The following DNAJC13 variants were observed in gnomAD, a reference collection of about 807,000 sequenced individuals.
The protein encoded by DNAJC13 is DnaJ heat shock protein family (Hsp40) member C13.
DNAJC13 carries 75 observed loss-of-function variants against 290.5 expected under a neutral mutation model. The observed-to-expected ratio is 0.26, with a 90% CI of 0.21 to 0.31. The LOEUF (loss-of-function observed/expected upper bound fraction) is 0.31, where lower values mean the gene tolerates loss of function less well. DNAJC13 is among the 10% of genes least tolerant of loss of function. The pLI is 1.00. For missense variants in DNAJC13, 2,260 were observed against 2,674.5 expected, an observed-to-expected ratio of 0.85 and a Z score of 3.42; for synonymous variants, 862 against 892.0, an observed-to-expected ratio of 0.97 and a Z score of 0.60.
chr3:132,503,133 A>G lies in DNAJC13; in HGVS notation c.4717-81A>G. 6.3e-6 allele frequency: 9 copies of G among 1,434,164 alleles called. No individual in the cohort carries two copies. The Admixed American group carries it at 1.2e-4, about 19-fold the overall frequency. 88.8% of individuals were successfully genotyped at this position (1,434,164 alleles called of 1,614,324 possible). ...TTTTTACTCCTTAAATATGTTCCAT[A>G]TAGTGTGATTCTGTAAAATTATAGT... On this transcript the variant is annotated intron_variant, in intron 40 of 55. Transcript: ENST00000260818.
intron 17 of DNAJC13, among the ~76,000 whole-genome samples, chr3:132,464,264 T>C (rs969544515): frequency 6.6e-6 from 1 of 152,244 alleles, no homozygotes; most frequent in African/African-American, 2.4e-5. Flanking sequence ...CAGCCTAAGC[T>C]AGACTTAACC....
At chr3:132,443,648 A>G (rs1933146570) in intron 2 of DNAJC13, among the ~76,000 whole-genome samples, 1 of 152,198 alleles carries the variant, frequency 6.6e-6, no homozygotes, top group South Asian at 2.1e-4. Context: ...CTTAAATGAC[A>G]TAGAAATATT....
intron 50 of DNAJC13, 79 bp downstream of exon 50, chr3:132,523,278 G>T: frequency 6.8e-7 from 1 of 1,474,190 alleles, no homozygotes; most frequent in South Asian, 1.2e-5. Flanking sequence ...GTTTAATGCC[G>T]ACCTATAACT....
chr3:132,431,512 G>A (rs1328542714), intron 1 of DNAJC13, among the ~76,000 whole-genome samples: 1 of 152,018 alleles, frequency 6.6e-6, no homozygotes. Context: ...ATATCCAGGG[G>A]GTGAGCGTTC....
intron 2 of DNAJC13, among the ~76,000 whole-genome samples, chr3:132,442,797 A>G (rs1365744810): frequency 6.6e-6 from 1 of 152,234 alleles, no homozygotes; most frequent in Non-Finnish European, 1.5e-5. Context: ...TAGTGCCTGA[A>G]TAAAAAGAAA....
At chr3:132,481,307 G>T (rs985866722) in intron 26 of DNAJC13, among the ~76,000 whole-genome samples, 1 of 152,156 alleles carries the variant, frequency 6.6e-6, no homozygotes, top group Non-Finnish European at 1.5e-5. Context: ...AAAAGAACAG[G>T]CCAGGCACAG....
rs1037977056 is a variant in DNAJC13, at chr3:132,457,380, T to C, written c.1449+12T>C. On this transcript the variant is annotated intron_variant, in intron 13 of 55. Coordinates refer to ENST00000260818, the MANE Select transcript of DNAJC13 (RefSeq NM_015268.4). ...GTGCCCTTATGTGTGTAAGTAGTAGTTTTCTTAAGGAAACTGGTTTTTCTT... is the reference window on the plus strand; with the variant it reads ...GTGCCCTTATGTGTGTAAGTAGTAGCTTTCTTAAGGAAACTGGTTTTTCTT... 6.2e-6 allele frequency: 10 copies of C among 1,605,060 alleles called. No individual in the cohort carries two copies. Among genetic ancestry groups the C allele is most frequent in the Non-Finnish European group, 7.7e-6 (9 of 1,175,636 alleles).
chr3:132,516,566 C>A, intron 47 of DNAJC13, 70 bp downstream of exon 47: 1 of 1,557,636 alleles, frequency 6.4e-7, no homozygotes, highest in Non-Finnish European at 8.8e-7. Context: ...CTGCATTTTA[C>A]AGCCTGATAA....
intron 53 of DNAJC13, 48 bp from the exon 54 acceptor site, chr3:132,528,141 G>T: frequency 6.2e-7 from 1 of 1,603,324 alleles, no homozygotes; most frequent in South Asian, 1.1e-5. Flanking sequence ...TTCAGTGGAT[G>T]ATTTGCATTT....
intron 15 of DNAJC13, among the ~76,000 whole-genome samples, chr3:132,461,668 A>G (rs1482901647): frequency 1.3e-5 from 2 of 151,928 alleles, no homozygotes; most frequent in Non-Finnish European, 2.9e-5. Context: ...CCCATTTTCT[A>G]TATCTTGCTT....
At chr3:132,482,440 TA>T in intron 27 of DNAJC13, 110 bp downstream of exon 27, 1 of 760,964 alleles carries the variant, frequency 1.3e-6, no homozygotes, top group Non-Finnish European at 2.1e-6. Flanking sequence ...AAATTCCTGT[TA>T]TTAGCTCCAA....
chr3:132,442,592 A>G (rs1204878709), intron 2 of DNAJC13, among the ~76,000 whole-genome samples: 1 of 152,116 alleles, frequency 6.6e-6, no homozygotes, highest in Non-Finnish European at 1.5e-5. Context: ...GGGGAGTAAA[A>G]TGCCCCACAG....
chr3:132,497,663 C>T (rs1935277661), intron 36 of DNAJC13, among the ~76,000 whole-genome samples: 1 of 152,060 alleles, frequency 6.6e-6, no homozygotes, highest in Non-Finnish European at 1.5e-5. Flanking sequence ...TTTCAAAACC[C>T]TTGGTTGTCT....
intron 33 of DNAJC13, 27 bp downstream of exon 33, chr3:132,492,642 C>T (rs1286037858): frequency 1.2e-6 from 2 of 1,602,250 alleles, no homozygotes; most frequent in African/African-American, 2.7e-5. Context: ...ATTTGTGCCA[C>T]CTTAAGCCAT....
In DNAJC13 at chr3:132,467,626, C is replaced by T. The variant is rs575380759; in HGVS notation, c.2208+313C>T. Among the ~76,000 whole-genome samples, 45 of 152,056 alleles carry T rather than the reference C, an allele frequency of 3.0e-4. 1 individual carries two copies. The South Asian group carries it at 5.0e-3, about 17-fold the overall frequency. Reference sequence around the variant, plus strand: ...GACTACAGGCACCCGCCACCACGCCCGGCTAATTTTTTGTATTTTTAGTAG... The same window carrying T: ...GACTACAGGCACCCGCCACCACGCCTGGCTAATTTTTTGTATTTTTAGTAG... On this transcript the variant is annotated intron_variant, in intron 20 of 55. Transcript: ENST00000260818.
At chr3:132,498,954 GATC>G (rs1935323980) in intron 36 of DNAJC13, among the ~76,000 whole-genome samples, 169 bp from the exon 37 acceptor site, 1 of 152,074 alleles carries the variant, frequency 6.6e-6, no homozygotes, top group Non-Finnish European at 1.5e-5. Flanking sequence ...CTGACCTCGT[GATC>G]CACCCACCTT....
chr3:132,488,886 T>A, intron 30 of DNAJC13, 90 bp from the exon 31 acceptor site: 1 of 909,250 alleles, frequency 1.1e-6, no homozygotes, highest in Non-Finnish European at 1.7e-6. Context: ...GAGTTTTATT[T>A]AGCTATAAAA....
At chr3:132,517,689 A>G (rs1352572558) in intron 48 of DNAJC13, among the ~76,000 whole-genome samples, 2 of 152,208 alleles carry the variant, frequency 1.3e-5, no homozygotes, top group Non-Finnish European at 2.9e-5. Context: ...GGAGGAGGCT[A>G]AGATCCCCTA....
Position 132,495,179 on chromosome 3 carries a change from G to T in DNAJC13, c.4020+13G>T. 1 of 1,608,518 alleles carries T rather than the reference G, an allele frequency of 6.2e-7. No homozygotes were observed. ...TCCAGAAGGGAGGGTATGTACTGCTGTTGGAATTCAGGCATTGGGCTTCCT... is the reference window on the plus strand; with the variant it reads ...TCCAGAAGGGAGGGTATGTACTGCTTTTGGAATTCAGGCATTGGGCTTCCT... On this transcript the variant is annotated intron_variant, in intron 35 of 55. Transcript: ENST00000260818.
Sources: gnomAD v4.1 joint callset for allele counts (sites outside exome capture counted in the v4.1 genomes callset) on GRCh38, gnomAD v4.1.1 for gene constraint, MANE v1.5 for transcripts, NCBI Gene and HGNC (gene_info 2026-07-23, HGNC 2026-07-21) for gene names.